The following ANKRD36 variants were observed in gnomAD, a reference collection of about 807,000 sequenced individuals.
ANKRD36 encodes ankyrin repeat domain 36.
A neutral mutation model predicts 278.1 loss-of-function variants in ANKRD36; 179 were observed. The ratio of observed to expected loss-of-function variants is 0.64; its 90% confidence interval spans 0.57 to 0.73. The LOEUF is 0.73. Ranked by LOEUF, ANKRD36 falls within the 30% of genes least tolerant of loss-of-function variation. The probability of loss-of-function intolerance (pLI) is 0.00; values close to 1 mark genes in which losing one functional copy is unlikely to be tolerated. For missense variants in ANKRD36, 1,159 were observed against 1,956.7 expected (o/e 0.59, Z 7.69); for synonymous variants, 320 against 641.1 (o/e 0.50, Z 7.57).
chr2:97,124,502 A>G lies in ANKRD36; in HGVS notation c.636A>G (p.Ile212Met). Residue 212 changes from isoleucine to methionine, a missense_variant, in exon 5 of 76, where the codon ATA becomes ATG. Ile to Met is a conservative substitution (Grantham distance 10). Coordinates refer to ENST00000420699, the MANE Select transcript of ANKRD36 (RefSeq NM_001354587.1). ...IHAVTLGEKD[I>M]VILLLQHNID... The stretch of plus-strand genomic sequence containing the variant: ...CTGTTACTCTTGGAGAAAAAGATAT[A>G]GTCATTCTTCTTCTGCAGCACAATA... 6.4e-7 allele frequency: 1 copy of G among 1,552,120 alleles called. No individual in the cohort carries two copies. Among genetic ancestry groups the G allele is most frequent in the Non-Finnish European group, 8.7e-7 (1 of 1,146,952 alleles).
At chr2:97,116,602 C>A (rs2035451353) in intron 1 of ANKRD36, among the ~76,000 whole-genome samples, 1 of 151,934 alleles carries the variant, frequency 6.6e-6, no homozygotes, top group Non-Finnish European at 1.5e-5. Context: ...TTATTGGTAT[C>A]TTCTGTGAAC....
Position 97,196,685 on chromosome 2 carries a change from T to C in ANKRD36, c.2581-31T>C, listed in dbSNP as rs753333920. ...TATGGTCTATGAAACATACTTTATT[T>C]ATTTATTATTTCGTTTCAAATTCCA... On this transcript the variant is annotated intron_variant, in intron 41 of 75. Transcript: ENST00000420699. 6 of 1,582,860 alleles carry C rather than the reference T, an allele frequency of 3.8e-6. No individual in the cohort carries two copies. The Admixed American group carries it at 7.2e-5, about 19-fold the overall frequency.
rs369326031 is a variant in ANKRD36, at chr2:97,190,991, A to G, written c.2259A>G (p.Lys753=). ...GEKSGTVSSQ[K]QPALKATTDE... Reference sequence around the variant, plus strand: ...TTTGCTTTTCAGTGTCTTCTCAGAAACAACCAGCCTTGAAGGTAATTAAAC... The same window carrying G: ...TTTGCTTTTCAGTGTCTTCTCAGAAGCAACCAGCCTTGAAGGTAATTAAAC... Residue 753 remains lysine, a synonymous_variant, in exon 35 of 76, where the codon AAA becomes AAG. Coordinates refer to ENST00000420699, the MANE Select transcript of ANKRD36 (RefSeq NM_001354587.1). The G allele has an allele frequency of 5.4e-5, 87 of 1,605,042 alleles. 3 individuals carry two copies. In the Middle Eastern group the frequency reaches 6.8e-4, roughly 13 times the overall value.
intron 66 of ANKRD36, among the ~76,000 whole-genome samples, chr2:97,220,706 C>G (rs1156494359): frequency 2.6e-5 from 1 of 38,646 alleles, no homozygotes; most frequent in Non-Finnish European, 5.9e-5. Context: ...ACAGATTTCT[C>G]TTTTATAATA....
intron 68 of ANKRD36, among the ~76,000 whole-genome samples, chr2:97,235,067 T>C (rs1182120491): frequency 6.7e-5 from 10 of 150,176 alleles, no homozygotes; most frequent in Non-Finnish European, 1.0e-4. Context: ...TTTTGTGTCA[T>C]ATGTAAAAAT....
Position 97,218,842 on chromosome 2 carries a change from C to G in ANKRD36, c.3776-208C>G, listed in dbSNP as rs1004736575. On this transcript the variant is annotated intron_variant, in intron 64 of 75. Transcript: ENST00000420699. ...TGTGGTGCATAATCTCACTTTTTAA[C>G]TTGTAACTGTATGTTTTGAAGCTTG... 2.4e-5 allele frequency among the ~76,000 whole-genome samples: 3 copies of G among 125,564 alleles called. No individual in the cohort carries two copies. In the Admixed American group the frequency reaches 2.4e-4, roughly 10 times the overall value. The allele number at this position is 125,564 out of a possible 152,430, so 82.4% of individuals were successfully genotyped here. A position where few individuals can be genotyped will look rare whatever the true frequency, so the allele number is the denominator to read the frequency against.
At chr2:97,241,018 T>TTTTTA in intron 68 of ANKRD36, among the ~76,000 whole-genome samples, 1 of 90,560 alleles carries the variant, frequency 1.1e-5, no homozygotes, top group Non-Finnish European at 1.9e-5. Flanking sequence ...TTTTTTTTTT[T>TTTTTA]ACAGGACCTA....
At chr2:97,139,786 A>C (rs1278629057) in intron 6 of ANKRD36, among the ~76,000 whole-genome samples, 1 of 152,060 alleles carries the variant, frequency 6.6e-6, no homozygotes, top group Non-Finnish European at 1.5e-5. Context: ...GAGAAAATCC[A>C]GTGTGTGCTT....
chr2:97,180,016 C>G, intron 24 of ANKRD36, 83 bp downstream of exon 24: 6 of 1,580,670 alleles, frequency 3.8e-6, no homozygotes, highest in Non-Finnish European at 5.1e-6. Flanking sequence ...AGTGGGGAGT[C>G]CATCTAAGCT....
At chr2:97,179,961 A>T (rs749599573) in intron 24 of ANKRD36, 28 bp downstream of exon 24, 2 of 1,602,712 alleles carry the variant, frequency 1.2e-6, no homozygotes, top group Non-Finnish European at 1.7e-6. Context: ...ATCTAATGTC[A>T]TGTTCAATCA....
At chr2:97,193,330 A>G (rs13018778) in intron 38 of ANKRD36, among the ~76,000 whole-genome samples, 108,903 of 128,862 alleles carry the variant, frequency 0.85, 47,837 homozygotes, top group African/African-American at 0.94. Flanking sequence ...ACATAATTTT[A>G]CTTTAATTCT....
chr2:97,207,889 A>T, intron 53 of ANKRD36, 45 bp from the exon 54 acceptor site: 2 of 1,541,618 alleles, frequency 1.3e-6, no homozygotes, highest in Non-Finnish European at 1.8e-6. Flanking sequence ...ATAGTCTATG[A>T]AACATACTTT....
At chr2:97,197,796 C>T (rs1440495842) in intron 42 of ANKRD36, among the ~76,000 whole-genome samples, 2 of 151,810 alleles carry the variant, frequency 1.3e-5, no homozygotes, top group African/African-American at 4.8e-5. Context: ...AAGATACTAT[C>T]CTTTGGTGCC....
At position 97,202,235 on chromosome 2, in the gene ANKRD36, T is replaced by G. The variant is rs774135744; in HGVS notation, c.2886+5T>G. 3.1e-6 allele frequency: 5 copies of G among 1,609,224 alleles called. 1 individual carries two copies. In the South Asian group the frequency reaches 5.5e-5, roughly 18 times the overall value. On this transcript the variant is annotated splice_donor_5th_base_variant and intron_variant, in intron 47 of 75. Coordinates refer to ENST00000420699, the MANE Select transcript of ANKRD36 (RefSeq NM_001354587.1). ...CAGAAACCACCAGCCTTGAAGGTAA[T>G]GAAACTCCCATTTATCTTGTGAACG...
In ANKRD36 at chr2:97,142,748, T is replaced by C. The variant is rs1261393368; in HGVS notation, c.829-15T>C. 4 of 1,604,964 alleles carry C rather than the reference T, an allele frequency of 2.5e-6. No homozygotes were observed. Among genetic ancestry groups the C allele is most frequent in the Admixed American group, 1.7e-5 (1 of 58,904 alleles). ...TACTTTATGTATTGATTATTTTGTT[T>C]CAAATCCCACTCAGGCTACAAGTGG... is the stretch of plus-strand genomic sequence containing the variant. On this transcript the variant is annotated splice_polypyrimidine_tract_variant and intron_variant, in intron 7 of 75. Coordinates refer to ENST00000420699, the MANE Select transcript of ANKRD36 (RefSeq NM_001354587.1).
chr2:97,174,327 G>T (rs1021395301), intron 22 of ANKRD36, among the ~76,000 whole-genome samples: 4 of 151,472 alleles, frequency 2.6e-5, no homozygotes, highest in African/African-American at 9.7e-5. Context: ...TAGAATATTT[G>T]CATAAGGGAT....
chr2:97,186,219 A>G (rs2057391126), intron 30 of ANKRD36, among the ~76,000 whole-genome samples: 2 of 151,648 alleles, frequency 1.3e-5, no homozygotes, highest in African/African-American at 4.8e-5. Flanking sequence ...TTTTTGTTAT[A>G]AAAATTAGAT....
At chr2:97,231,151 G>A (rs1327529032) in intron 67 of ANKRD36, among the ~76,000 whole-genome samples, 1 of 152,112 alleles carries the variant, frequency 6.6e-6, no homozygotes, top group African/African-American at 2.4e-5. Flanking sequence ...CATGCTGGGA[G>A]AACCACTGCT....
rs2057600202 is a variant in ANKRD36, at chr2:97,187,240, C to T, written c.2070+14C>T. ...CCAGCCTTGAAGGTAATTAAACTCT[C>T]ATTTATATTGTGAACTAGTAAATCT... On this transcript the variant is annotated intron_variant, in intron 31 of 75. Transcript: ENST00000420699. 2 of 1,609,494 alleles carry T rather than the reference C, an allele frequency of 1.2e-6. No homozygotes were observed. Among genetic ancestry groups the T allele is most frequent in the South Asian group, 1.1e-5 (1 of 90,726 alleles).
Sources: allele counts gnomAD v4.1 joint callset (sites outside exome capture counted in the v4.1 genomes callset), GRCh38; gene constraint gnomAD v4.1.1; transcripts MANE v1.5; gene names NCBI Gene and HGNC (gene_info 2026-07-23, HGNC 2026-07-21).